RXFP3: variants seen among roughly 807,000 people sequenced by gnomAD.
RXFP3 encodes relaxin-3 receptor 1.
RXFP3 carries 31 observed loss-of-function variants against 27.3 expected under a neutral mutation model. The observed-to-expected ratio is 1.13, with a 90% CI of 0.85 to 1.53. The LOEUF (loss-of-function observed/expected upper bound fraction) is 1.53, where lower values mean the gene tolerates loss of function less well. RXFP3 is among the 40% of genes most tolerant of loss of function. The pLI is 0.00. For synonymous variants in RXFP3, 351 were observed against 293.6 expected (o/e 1.20, Z -2.00); for missense variants, 684 against 642.1 (o/e 1.07, Z -0.70).
In RXFP3 at chr5:33,936,630, T is replaced by C; in HGVS notation, c.-111T>C. On this transcript the variant is annotated 5_prime_UTR_variant, in exon 1 of 1. Coordinates refer to ENST00000330120, the MANE Select transcript of RXFP3 (RefSeq NM_016568.3). ...GTTCCTGGGCTCTCTCTTCAGTAGC[T>C]GCTTTGAAAGCTCCCACGCACGTCC... The C allele has an allele frequency of 9.4e-7, 1 of 1,065,266 alleles. No homozygotes were observed. The highest frequency in any genetic ancestry group is 1.3e-6 in the Non-Finnish European group (1 of 763,454). 66.0% of individuals were successfully genotyped at this position (1,065,266 alleles called of 1,614,324 possible).
Position 33,938,096 on chromosome 5 carries a change from C to G in RXFP3, c.1356C>G (p.Val452=). Residue 452 remains valine, a synonymous_variant, in exon 1 of 1, where the codon GTC becomes GTG. Transcript: ENST00000330120. The part of the protein sequence containing the change: ...EPDLLYYPPG[V]VVYSGGRYDL... ...ACCTGCTCTACTACCCACCTGGCGT[C>G]GTGGTCTACAGCGGGGGGCGCTACG... The G allele has an allele frequency of 1.2e-6, 2 of 1,610,432 alleles. No homozygotes were observed. Among genetic ancestry groups the G allele is most frequent in the Admixed American group, 1.7e-5 (1 of 59,862 alleles).
chr5:33,938,414 C>T lies in RXFP3; in HGVS notation c.*264C>T, dbSNP rs1314929756. On this transcript the variant is annotated 3_prime_UTR_variant, in exon 1 of 1. Transcript: ENST00000330120. ...CCAGACAGCCAACCTCCGCTCCGCA[C>T]CCCACAGCCTCTCCTTACTCTTCCC... 6.6e-6 allele frequency among the ~76,000 whole-genome samples: 1 copy of T among 152,222 alleles called. No individual in the cohort carries two copies. The highest frequency in any genetic ancestry group is 2.4e-5 in the African/African-American group (1 of 41,472).
Position 33,937,510 on chromosome 5 carries a change from G to A in RXFP3, c.770G>A (p.Gly257Asp). The A allele has an allele frequency of 1.9e-6, 3 of 1,589,360 alleles. No individual in the cohort carries two copies. The highest frequency in any genetic ancestry group is 1.1e-5 in the South Asian group (1 of 87,818). ...CLVRFPDKLL[G>D]RDRQFWLGLY... ...GTGCGTTTCCCGGACAAGTTGCTGG[G>A]CCGCGACAGGCAGTTCTGGCTGGGC... The change falls in exon 1 of 1, where the codon GGC becomes GAC. Residue 257 changes from glycine to aspartate, a missense_variant. Transcript: ENST00000330120.
rs771732729 is a variant in RXFP3 at position 33,936,716 on chromosome 5, G to T, written c.-25G>T. On this transcript the variant is annotated 5_prime_UTR_variant, in exon 1 of 1. Coordinates refer to ENST00000330120, the MANE Select transcript of RXFP3 (RefSeq NM_016568.3). ...GTGTTATCTTAGGTCTTGTCCCCCA[G>T]AACATGACCTAGAGGTACCTGCGCA... 1 of 1,507,968 alleles carries T rather than the reference G, an allele frequency of 6.6e-7. No individual in the cohort carries two copies. Among genetic ancestry groups the T allele is most frequent in the Non-Finnish European group, 8.9e-7 (1 of 1,126,926 alleles). The allele number at this position is 1,507,968 out of a possible 1,614,324, so 93.4% of individuals were successfully genotyped here.
chr5:33,938,035 A>C lies in RXFP3; in HGVS notation c.1295A>C (p.Gln432Pro), dbSNP rs751878167. The change falls in exon 1 of 1, where the codon CAG becomes CCG. Residue 432 changes from glutamine to proline, a missense_variant. Gln to Pro is a moderately conservative substitution (Grantham distance 76, BLOSUM62 -1). Coordinates refer to ENST00000330120, the MANE Select transcript of RXFP3 (RefSeq NM_016568.3). ...TKPEHEDQGL[Q>P]APAPPHAAAE... Reference sequence around the variant, plus strand: ...CCGGAGCACGAGGATCAGGGGCTGCAGGCCCCGGCGCCGCCCCACGCGGCC... The same window carrying C: ...CCGGAGCACGAGGATCAGGGGCTGCCGGCCCCGGCGCCGCCCCACGCGGCC... 6.2e-7 allele frequency: 1 copy of C among 1,612,216 alleles called. No homozygotes were observed. The highest frequency in any genetic ancestry group is 8.5e-7 in the Non-Finnish European group (1 of 1,179,740).
At position 33,936,981 on chromosome 5, in the gene RXFP3, C is replaced by T. The variant is rs780429160; in HGVS notation, c.241C>T (p.Arg81Trp). 2 of 1,612,216 alleles carry T rather than the reference C, an allele frequency of 1.2e-6. No homozygotes were observed. The highest frequency in any genetic ancestry group is 2.7e-5 in the African/African-American group (2 of 75,040). ...AESADTEARV[R>W]ILISVVYWVV... ...GAGCGCGGACACAGAGGCCCGGGTG[C>T]GGATTCTCATCAGCGTGGTGTACTG... is the stretch of plus-strand genomic sequence containing the variant. Residue 81 changes from arginine to tryptophan, a missense_variant, in exon 1 of 1, where the codon CGG (arginine) becomes TGG (tryptophan). Physicochemically the swap from Arg to Trp is moderately radical, Grantham distance 101. Coordinates refer to ENST00000330120, the MANE Select transcript of RXFP3 (RefSeq NM_016568.3).
rs531626591 is a variant in RXFP3, at chr5:33,937,300, C to A, written c.560C>A (p.Ala187Asp). ...SVTRYHSVAS[A>D]LKSHRTRGHG... The stretch of plus-strand genomic sequence containing the variant: ...ACGCGCTACCATTCGGTGGCCTCGG[C>A]TCTGAAGAGCCACCGGACCCGAGGA... Residue 187 changes from alanine (A) to aspartate (D), a missense_variant, in exon 1 of 1, where the codon GCT (alanine) becomes GAT (aspartate). Ala to Asp is a moderately radical substitution (Grantham distance 126, BLOSUM62 -2). Coordinates refer to ENST00000330120, the MANE Select transcript of RXFP3 (RefSeq NM_016568.3). The A allele has an allele frequency of 5.6e-5, 90 of 1,613,180 alleles. 1 individual carries two copies. In the South Asian group the frequency reaches 9.7e-4, roughly 17 times the overall value.
chr5:33,936,583 GCCAGGACGCGCTTAGTACCCAGTT>G lies in RXFP3; in HGVS notation c.-155_-132del. 2 of 640,760 alleles carry G rather than the reference GCCAGGACGCGCTTAGTACCCAGTT, an allele frequency of 3.1e-6. No individual in the cohort carries two copies. Among genetic ancestry groups the G allele is most frequent in the Non-Finnish European group, 4.9e-6 (2 of 409,818 alleles). 39.7% of individuals were successfully genotyped at this position (640,760 alleles called of 1,614,324 possible). The stretch of plus-strand genomic sequence containing the variant: ...CCTGCGTCCAGGGCGTTCGCTGCGC[GCCAGGACGCGCTTAGTACCCAGTT>G]CCTGGGCTCTCTCTTCAGTAGCTGC... On this transcript the variant is annotated 5_prime_UTR_variant, in exon 1 of 1. Coordinates refer to ENST00000330120, the MANE Select transcript of RXFP3 (RefSeq NM_016568.3).
rs1751722483 is a variant in RXFP3, at chr5:33,938,240, G to T, written c.*90G>T. 1.6e-6 allele frequency: 2 copies of T among 1,269,618 alleles called. No homozygotes were observed. The highest frequency in any genetic ancestry group is 3.0e-5 in the South Asian group (2 of 66,602). The allele number at this position is 1,269,618 out of a possible 1,614,324, so 78.6% of individuals were successfully genotyped here. On this transcript the variant is annotated 3_prime_UTR_variant, in exon 1 of 1. Transcript: ENST00000330120. ...GAAAGGATGAAGGAGGGCTGGGGGG[G>T]GCCCCATTTAAGAAGTAGGTGGGAG...
chr5:33,936,822 G>A lies in RXFP3; in HGVS notation c.82G>A (p.Val28Ile), dbSNP rs913802230. 1.3e-6 allele frequency: 2 copies of A among 1,582,630 alleles called. No homozygotes were observed. Among genetic ancestry groups the A allele is most frequent in the South Asian group, 2.3e-5 (2 of 86,040 alleles). ...GDKLAELFSLVPDLLEAANTS... is the reference protein window; with the variant it reads ...GDKLAELFSLIPDLLEAANTS... ...CAAGCTAGCAGAACTCTTCAGTCTG[G>A]TCCCGGACCTTCTGGAGGCGGCCAA... The change falls in exon 1 of 1, where the codon GTC becomes ATC. Residue 28 changes from valine (V) to isoleucine (I), a missense_variant. Transcript: ENST00000330120.
chr5:33,937,808 GGTGCCC>G lies in RXFP3; in HGVS notation c.1069_1074del (p.Val357_Pro358del), dbSNP rs977879847. ...GGAGCATCCTCATCAAGTTCAACGC[GGTGCCC>G]TTCAGCCAGGAGTATTTCCTGTGCC... On this transcript the variant is annotated inframe_deletion, in exon 1 of 1. Transcript: ENST00000330120. The G allele has an allele frequency of 2.5e-6, 4 of 1,614,008 alleles. No individual in the cohort carries two copies. Among genetic ancestry groups the G allele is most frequent in the Non-Finnish European group, 3.4e-6 (4 of 1,180,032 alleles).
chr5:33,937,841 G>A lies in RXFP3; in HGVS notation c.1101G>A (p.Gln367=), dbSNP rs1382145572. 68 of 1,614,068 alleles carry A rather than the reference G, an allele frequency of 4.2e-5. No homozygotes were observed. Among genetic ancestry groups the A allele is most frequent in the Non-Finnish European group, 5.6e-5 (66 of 1,180,052 alleles). Reference sequence around the variant, plus strand: ...TCAGCCAGGAGTATTTCCTGTGCCAGGTATACGCGTTCCCTGTGAGCGTGT... The same window carrying A: ...TCAGCCAGGAGTATTTCCTGTGCCAAGTATACGCGTTCCCTGTGAGCGTGT... The part of the protein sequence containing the change: ...VPFSQEYFLC[Q]VYAFPVSVCL... Residue 367 remains glutamine (Q), a synonymous_variant, in exon 1 of 1, where the codon CAG becomes CAA. Transcript: ENST00000330120.
In RXFP3 at chr5:33,936,870, C is replaced by T. The variant is rs2111880417; in HGVS notation, c.130C>T (p.Gln44Ter). The part of the protein sequence containing the change: ...AANTSGNASL[Q>*]LPDLWWELGL... ...CAACACGAGTGGTAACGCGTCGCTGCAGCTTCCGGACTTGTGGTGGGAGCT... is the reference window on the plus strand; with the variant it reads ...CAACACGAGTGGTAACGCGTCGCTGTAGCTTCCGGACTTGTGGTGGGAGCT... The change falls in exon 1 of 1, where the codon CAG (glutamine) becomes TAG (stop). Residue 44 changes from glutamine (Q) to a stop codon, truncating the protein, a stop_gained. Transcript: ENST00000330120. LOFTEE classifies it low-confidence loss of function (END_TRUNC). 6.3e-7 allele frequency: 1 copy of T among 1,599,788 alleles called. No individual in the cohort carries two copies. Among genetic ancestry groups the T allele is most frequent in the Non-Finnish European group, 8.5e-7 (1 of 1,169,626 alleles).
rs374524110 is a variant in RXFP3, at chr5:33,937,367, C to A, written c.627C>A (p.Ser209Arg). 105 of 1,612,960 alleles carry A rather than the reference C, an allele frequency of 6.5e-5. No homozygotes were observed. Among genetic ancestry groups the A allele is most frequent in the Non-Finnish European group, 8.6e-5 (102 of 1,179,978 alleles). The change falls in exon 1 of 1, where the codon AGC becomes AGA. Residue 209 changes from serine to arginine, a missense_variant. Coordinates refer to ENST00000330120, the MANE Select transcript of RXFP3 (RefSeq NM_016568.3). The part of the protein sequence containing the change: ...GDCCGRSLGD[S>R]CCFSAKALCV... ...GCTGCGGCCGGAGCCTGGGGGACAGCTGCTGCTTCTCGGCCAAGGCGCTGT... is the reference window on the plus strand; with the variant it reads ...GCTGCGGCCGGAGCCTGGGGGACAGATGCTGCTTCTCGGCCAAGGCGCTGT...
In RXFP3 at chr5:33,936,670, G is replaced by C; in HGVS notation, c.-71G>C. The C allele has an allele frequency of 7.1e-7, 1 of 1,412,014 alleles. No individual in the cohort carries two copies. The highest frequency in any genetic ancestry group is 1.9e-4 in the Middle Eastern group (1 of 5,344). The allele number at this position is 1,412,014 out of a possible 1,614,324, so 87.5% of individuals were successfully genotyped here. ...CACGCACGTCCCGCAGGCTAGCCTG[G>C]CAACAAAACTGGGGTAAACCGTGTT... On this transcript the variant is annotated 5_prime_UTR_variant, in exon 1 of 1. Transcript: ENST00000330120.
At position 33,937,797 on chromosome 5, in the gene RXFP3, A is replaced by G. The variant is rs1211535754; in HGVS notation, c.1057A>G (p.Lys353Glu). The G allele has an allele frequency of 1.2e-6, 2 of 1,613,820 alleles. No homozygotes were observed. Among genetic ancestry groups the G allele is most frequent in the Non-Finnish European group, 1.7e-6 (2 of 1,180,000 alleles). ...GCTCACCACCTGGAGCATCCTCATCAAGTTCAACGCGGTGCCCTTCAGCCA... is the reference window on the plus strand; with the variant it reads ...GCTCACCACCTGGAGCATCCTCATCGAGTTCAACGCGGTGCCCTTCAGCCA... ...QALTTWSILI[K>E]FNAVPFSQEY... Residue 353 changes from lysine to glutamate, a missense_variant, in exon 1 of 1, where the codon AAG becomes GAG. Transcript: ENST00000330120.
chr5:33,937,616 C>T lies in RXFP3; in HGVS notation c.876C>T (p.Arg292=). 1 of 1,582,882 alleles carries T rather than the reference C, an allele frequency of 6.3e-7. No homozygotes were observed. Among genetic ancestry groups the T allele is most frequent in the Non-Finnish European group, 8.6e-7 (1 of 1,164,732 alleles). The change falls in exon 1 of 1, where the codon CGC becomes CGT. Residue 292 remains arginine (R), a synonymous_variant. Transcript: ENST00000330120. ...IIILCYLLLV[R]FIADRRAAGT... ...TCTTGTGCTACCTGCTGCTGGTGCG[C>T]TTCATCGCCGACCGCCGCGCGGCGG...
chr5:33,937,071 G>A lies in RXFP3; in HGVS notation c.331G>A (p.Gly111Ser). Residue 111 changes from glycine (G) to serine (S), a missense_variant, in exon 1 of 1, where the codon GGC (glycine) becomes AGC (serine). Transcript: ENST00000330120. ...TCTCTACCTGATGAAGAGCATGCAG[G>A]GCTGGCGCAAGTCCTCTATCAACCT... The part of the protein sequence containing the change: ...LVLYLMKSMQ[G>S]WRKSSINLFV... 2 of 1,614,230 alleles carry A rather than the reference G, an allele frequency of 1.2e-6. No individual in the cohort carries two copies. Among genetic ancestry groups the A allele is most frequent in the South Asian group, 1.1e-5 (1 of 91,080 alleles).
chr5:33,936,947 C>A lies in RXFP3; in HGVS notation c.207C>A (p.Gly69=). 1 of 1,602,914 alleles carries A rather than the reference C, an allele frequency of 6.2e-7. No individual in the cohort carries two copies. Among genetic ancestry groups the A allele is most frequent in the Non-Finnish European group, 8.5e-7 (1 of 1,171,406 alleles). ...GAPPGHPPGS[G]GAESADTEAR... is the part of the protein sequence containing the mutation. ...CGCCAGGACATCCCCCGGGCAGCGG[C>A]GGGGCAGAGAGCGCGGACACAGAGG... The change falls in exon 1 of 1, where the codon GGC becomes GGA. Residue 69 remains glycine, a synonymous_variant. Transcript: ENST00000330120.
Sources: gnomAD v4.1 joint callset for allele counts (sites outside exome capture counted in the v4.1 genomes callset) on GRCh38, gnomAD v4.1.1 for gene constraint, MANE v1.5 for transcripts, NCBI Gene and HGNC (gene_info 2026-07-23, HGNC 2026-07-21) for gene names.